The following FAM81A variants were observed in gnomAD, a reference collection of about 807,000 sequenced individuals.
The protein encoded by FAM81A is family with sequence similarity 81 member A.
In FAM81A, 19 loss-of-function variants were observed where a neutral mutation model predicts 46.7. That is an observed-to-expected ratio of 0.41 (90% CI 0.28 to 0.60). The LOEUF (loss-of-function observed/expected upper bound fraction) is 0.60, where lower values mean the gene tolerates loss of function less well. Ranked by LOEUF, FAM81A falls within the 20% of genes least tolerant of loss-of-function variation. The pLI is 0.34. For missense variants in FAM81A, 377 were observed against 453.5 expected (o/e 0.83, Z 1.53); for synonymous variants, 183 against 152.9 (o/e 1.20, Z -1.45).
chr15:59,457,015 T>C (rs2081493005), intron 1 of FAM81A, among the ~76,000 whole-genome samples: 1 of 152,232 alleles, frequency 6.6e-6, no homozygotes, highest in Non-Finnish European at 1.5e-5. Context: ...GATTAATATC[T>C]CAACTGAGAT....
chr15:59,416,780 A>C (rs1042745876), intron 2 of FAM81A, among the ~76,000 whole-genome samples: 1 of 152,186 alleles, frequency 6.6e-6, no homozygotes, highest in Non-Finnish European at 1.5e-5. Flanking sequence ...CATACCTGTC[A>C]TGCTTAGCGG....
At chr15:59,445,443 T>A (rs1263638704) in intron 1 of FAM81A, 3 of 152,112 alleles carry the variant, frequency 2.0e-5, no homozygotes, top group African/African-American at 7.2e-5. Flanking sequence ...GTTTCTTTTT[T>A]CCCCCATTTT....
chr15:59,508,155 T>C (rs2082168817), intron 5 of FAM81A, among the ~76,000 whole-genome samples: 1 of 152,190 alleles, frequency 6.6e-6, no homozygotes, highest in Non-Finnish European at 1.5e-5. Context: ...GAGAATGGAA[T>C]TACTACACCA....
intron 2 of FAM81A, among the ~76,000 whole-genome samples, chr15:59,411,821 G>A (rs2081121773): frequency 6.6e-6 from 1 of 152,146 alleles, no homozygotes; most frequent in Non-Finnish European, 1.5e-5. Flanking sequence ...GGCTGAGGCA[G>A]GAGAGTCCCT....
chr15:59,501,575 A>G (rs769497939), intron 4 of FAM81A, among the ~76,000 whole-genome samples: 2 of 152,178 alleles, frequency 1.3e-5, no homozygotes, highest in African/African-American at 4.8e-5. Context: ...TTATGCTACT[A>G]TGTCATATGC....
chr15:59,429,094 G>A (rs1164407685), intron 2 of FAM81A, among the ~76,000 whole-genome samples: 1 of 152,124 alleles, frequency 6.6e-6, no homozygotes. Context: ...TAGAATTCTT[G>A]AATGGAAATA....
At chr15:59,448,743 T>C (rs2081379121) in intron 1 of FAM81A, among the ~76,000 whole-genome samples, 1 of 152,228 alleles carries the variant, frequency 6.6e-6, no homozygotes, top group South Asian at 2.1e-4. Flanking sequence ...AGTGTTGAAC[T>C]CCTGGGCTCA....
At chr15:59,471,328 A>G (rs572756091) in intron 3 of FAM81A, among the ~76,000 whole-genome samples, 9 of 152,244 alleles carry the variant, frequency 5.9e-5, no homozygotes, top group African/African-American at 9.6e-5. Flanking sequence ...ATAATTGCAT[A>G]TATCTACCTG....
At chr15:59,486,271 C>A (rs534015310) in intron 3 of FAM81A, among the ~76,000 whole-genome samples, 3 of 152,096 alleles carry the variant, frequency 2.0e-5, no homozygotes, top group African/African-American at 7.2e-5. Context: ...AAGAATGCAT[C>A]AGTCTGTTAG....
intron 3 of FAM81A, among the ~76,000 whole-genome samples, chr15:59,480,835 A>G (rs1249917999): frequency 6.6e-6 from 1 of 152,194 alleles, no homozygotes; most frequent in African/African-American, 2.4e-5. Context: ...TATTGACTTT[A>G]CAAAGGAATT....
At chr15:59,399,294 C>G (rs1247718459) in intron 1 of FAM81A, among the ~76,000 whole-genome samples, 1 of 152,208 alleles carries the variant, frequency 6.6e-6, no homozygotes, top group African/African-American at 2.4e-5. Context: ...AACATTTCCA[C>G]TTTCACATTA....
intron 1 of FAM81A, among the ~76,000 whole-genome samples, chr15:59,451,836 T>C (rs1281691404): frequency 6.6e-6 from 1 of 152,194 alleles, no homozygotes; most frequent in East Asian, 1.9e-4. Flanking sequence ...ACATTCATTC[T>C]CAAGCCAGAA....
chr15:59,480,350 C>T (rs1177959306), intron 3 of FAM81A, among the ~76,000 whole-genome samples: 8 of 152,104 alleles, frequency 5.3e-5, no homozygotes, highest in African/African-American at 1.9e-4. Flanking sequence ...TTTCCTGGTT[C>T]CTGGCAACGC....
intron 1 of FAM81A, among the ~76,000 whole-genome samples, chr15:59,398,863 G>A (rs1687061034): frequency 1.4e-5 from 2 of 146,002 alleles, no homozygotes; most frequent in African/African-American, 5.1e-5. Context: ...CCTAGTCCAA[G>A]CTAGTGACTA....
At chr15:59,406,936 T>C (rs2081097698) in intron 2 of FAM81A, 1 of 152,812 alleles carries the variant, frequency 6.5e-6, no homozygotes, top group Non-Finnish European at 1.5e-5. Flanking sequence ...ATTATTTTTA[T>C]GTGCAGAAAA....
upstream of FAM81A, among the ~76,000 whole-genome samples, chr15:59,437,389 C>T (rs538485162): frequency 2.8e-4 from 42 of 152,102 alleles, no homozygotes; most frequent in Admixed American, 1.4e-3. Context: ...TCCTGCCCAC[C>T]GAGAGGAAGC....
chr15:59,516,724 A>T lies in FAM81A; in HGVS notation c.866A>T (p.Lys289Met). The change falls in exon 8 of 9, where the codon AAG becomes ATG. Residue 289 changes from lysine to methionine, a missense_variant. Coordinates refer to ENST00000288228, the MANE Select transcript of FAM81A (RefSeq NM_152450.3). ...RLDKIEEGQK[K>M]TFDGQRTRQE... ...GACAAAATAGAAGAGGGTCAAAAGA[A>T]GACTTTTGATGGTCAGAGAACAAGG... 6.2e-7 allele frequency: 1 copy of T among 1,613,816 alleles called. No individual in the cohort carries two copies. Among genetic ancestry groups the T allele is most frequent in the Non-Finnish European group, 8.5e-7 (1 of 1,179,806 alleles).
rs565196904 is a variant in FAM81A at position 59,430,286 on chromosome 15, A to T, written c.-78+27928A>T. On this transcript the variant is annotated intron_variant, in intron 2 of 4. Coordinates refer to the FAM81A transcript ENST00000558348. ...TTTTTTTTTTTTTTTTTTTTTTGAG[A>T]TGGAGTCTTGCTCTGTCACCCAAGC... Among the ~76,000 whole-genome samples, 181 of 96,492 alleles carry T rather than the reference A, an allele frequency of 1.9e-3. 1 individual carries two copies. The highest frequency in any genetic ancestry group is 3.3e-3 in the Admixed American group (21 of 6,286). 63.3% of individuals were successfully genotyped at this position (96,492 alleles called of 152,430 possible). A position where few individuals can be genotyped will look rare whatever the true frequency, so the allele number is the denominator to read the frequency against.
intron 2 of FAM81A, among the ~76,000 whole-genome samples, chr15:59,413,499 A>G (rs1202402761): frequency 2.0e-5 from 3 of 151,996 alleles, no homozygotes; most frequent in African/African-American, 7.2e-5. Context: ...GAACTGAGGA[A>G]TTAATAGCTG....
Sources: allele counts gnomAD v4.1 joint callset (sites outside exome capture counted in the v4.1 genomes callset), GRCh38; gene constraint gnomAD v4.1.1; transcripts MANE v1.5; gene names NCBI Gene and HGNC (gene_info 2026-07-23, HGNC 2026-07-21).